Variants in TCF3 observed in about 807,000 individuals in gnomAD.
The protein encoded by TCF3 is transcription factor E2-alpha.
Under a neutral mutation model 72.3 loss-of-function variants are expected in TCF3, and 54 were observed. The ratio of observed to expected loss-of-function variants is 0.75; its 90% confidence interval spans 0.60 to 0.94. The LOEUF is 0.94. Among genes scored for constraint, TCF3 ranks in the 40% least tolerant of loss-of-function variants. The probability of loss-of-function intolerance (pLI) is 0.00; values close to 1 mark genes in which losing one functional copy is unlikely to be tolerated. For synonymous variants in TCF3, 525 were observed against 412.6 expected (o/e 1.27, Z -3.30); for missense variants, 1,078 against 934.4 (o/e 1.15, Z -2.00).
intron 3 of TCF3, among the ~76,000 whole-genome samples, chr19:1,643,324 A>AATCCTCCTGCC (rs1373724705): frequency 6.6e-6 from 1 of 151,838 alleles, no homozygotes. Flanking sequence ...AGGCTCCAGC[A>AATCCTCCTGCC]ATCCTCCTGC....
At position 1,611,251 on chromosome 19, in the gene TCF3, G is replaced by A. The variant is rs1232714859; in HGVS notation, c.*456C>T. ...CTGGTGGCTTTAGAAGAATAAGCCA[G>A]GTTTCCACAGCATCCCCCTTGAGTG... On this transcript the variant is annotated 3_prime_UTR_variant, in exon 19 of 19. Transcript: ENST00000262965. The A allele has an allele frequency of 6.5e-6, 2 of 307,218 alleles. No homozygotes were observed. Among genetic ancestry groups the A allele is most frequent in the Non-Finnish European group, 1.2e-5 (2 of 168,134 alleles). 19.0% of individuals were successfully genotyped at this position (307,218 alleles called of 1,614,324 possible). A position where few individuals can be genotyped will look rare whatever the true frequency, so the allele number is the denominator to read the frequency against.
At chr19:1,623,695 T>C (rs1414953787) in intron 8 of TCF3, among the ~76,000 whole-genome samples, 1 of 152,108 alleles carries the variant, frequency 6.6e-6, no homozygotes, top group African/African-American at 2.4e-5. Context: ...AATTGTGCCC[T>C]TTCTAAAGGG....
intron 13 of TCF3, among the ~76,000 whole-genome samples, chr19:1,620,309 G>C (rs1048486609): frequency 6.6e-6 from 1 of 152,080 alleles, no homozygotes; most frequent in East Asian, 1.9e-4. Context: ...TAAACACCCA[G>C]ACCTTCTGGA....
intron 1 of TCF3, 170 bp from the exon 2 acceptor site, chr19:1,650,457 G>A (rs2066842759): frequency 5.2e-6 from 3 of 577,358 alleles, no homozygotes; most frequent in East Asian, 5.7e-5. Context: ...AGCAGGCGCA[G>A]GGAAGCTGGA....
rs76459051 is a variant in TCF3, at chr19:1,619,371, G to A, written c.1271C>T (p.Ala424Val). Residue 424 changes from alanine (A) to valine (V), a missense_variant, in exon 15 of 19, where the codon GCG (alanine) becomes GTG (valine). Coordinates refer to ENST00000262965, the MANE Select transcript of TCF3 (RefSeq NM_003200.5). Reference protein sequence around the residue: ...DMHTLLPGHGALASGFTGPMS... With the variant: ...DMHTLLPGHGVLASGFTGPMS... ...GGGGCCGGTGAAACCTGAGGCCAGC[G>A]CCCCGTGGCCAGGCAGCAGCGTGTG... The A allele has an allele frequency of 3.6e-4, 574 of 1,589,128 alleles. 4 individuals are homozygous for A. In the African/African-American group the frequency reaches 6.6e-3, roughly 18 times the overall value.
chr19:1,620,993 G>T lies in TCF3; in HGVS notation c.1068C>A (p.Pro356=), dbSNP rs765976155. 6.6e-7 allele frequency: 1 copy of T among 1,513,238 alleles called. No individual in the cohort carries two copies. Among genetic ancestry groups the T allele is most frequent in the Admixed American group, 2.4e-5 (1 of 41,938 alleles). 93.7% of individuals were successfully genotyped at this position (1,513,238 alleles called of 1,614,324 possible). The change falls in exon 13 of 19, where the codon CCC becomes CCA. Residue 356 remains proline, a synonymous_variant. Coordinates refer to ENST00000262965, the MANE Select transcript of TCF3 (RefSeq NM_003200.5). ...SNNFSSSPST[P]VGSPQGLAGT... is the part of the protein sequence containing the mutation. ...CTGCCAGGCCCTGGGGGGAGCCCAC[G>T]GGGGTAGAAGGGCTGGACGAGAAGT...
At chr19:1,627,701 C>T (rs1323554137) in intron 5 of TCF3, among the ~76,000 whole-genome samples, 3 of 152,178 alleles carry the variant, frequency 2.0e-5, no homozygotes, top group Admixed American at 2.0e-4. Context: ...GATTTCGGGG[C>T]CAACTCTGAG....
chr19:1,642,164 AC>A (rs2065361939), intron 3 of TCF3, among the ~76,000 whole-genome samples: 1 of 143,348 alleles, frequency 7.0e-6, no homozygotes. Context: ...ACACACACAC[AC>A]GCACGCGTAC....
intron 2 of TCF3, among the ~76,000 whole-genome samples, chr19:1,648,824 G>C (rs553951056): frequency 1.8e-4 from 27 of 151,948 alleles, no homozygotes; most frequent in Admixed American, 9.8e-4. Context: ...GCATGGGGGG[G>C]GGGGGGGAGC....
In TCF3 at chr19:1,627,407, G is replaced by A. The variant is rs768302987; in HGVS notation, c.318C>T (p.Gly106=). 8 of 1,611,878 alleles carry A rather than the reference G, an allele frequency of 5.0e-6. No individual in the cohort carries two copies. Among genetic ancestry groups the A allele is most frequent in the Admixed American group, 1.7e-5 (1 of 59,934 alleles). ...CGTCTCTCCCGAAGGAGGCATAGGC[G>A]CCCCGCTCACCGCTCTTGCCTGCAA... is the stretch of plus-strand genomic sequence containing the variant. ...PGLGGKSGER[G]AYASFGRDAG... The change falls in exon 6 of 19, where the codon GGC becomes GGT. Residue 106 remains glycine, a synonymous_variant. Transcript: ENST00000262965.
rs1435810254 is a variant in TCF3, at chr19:1,622,156, C to T, written c.720G>A (p.Leu240=). ...GGGGCAGCGGGGATGAGCCCCCACC[C>T]AGCATGGGCCCGAAGCCCGCCTGGC... ...PPGQAGFGPM[L]GGGSSPLPLP... Residue 240 remains leucine, a synonymous_variant, in exon 10 of 19, where the codon CTG becomes CTA. Transcript: ENST00000262965. The T allele has an allele frequency of 1.3e-6, 2 of 1,578,496 alleles. No homozygotes were observed. The highest frequency in any genetic ancestry group is 1.7e-6 in the Non-Finnish European group (2 of 1,164,726).
intron 2 of TCF3, among the ~76,000 whole-genome samples, chr19:1,649,688 G>A (rs552805411): frequency 6.6e-6 from 1 of 152,320 alleles, no homozygotes; most frequent in East Asian, 1.9e-4. Flanking sequence ...CTCCCAAAGT[G>A]CTGGAATGAC....
rs1359708618 is a variant in TCF3, at chr19:1,610,743, C to T, written c.*964G>A. The T allele has an allele frequency of 4.3e-6, 1 of 231,806 alleles. No homozygotes were observed. The highest frequency in any genetic ancestry group is 2.2e-5 in the African/African-American group (1 of 45,180). 14.4% of individuals were successfully genotyped at this position (231,806 alleles called of 1,614,324 possible). On this transcript the variant is annotated 3_prime_UTR_variant, in exon 19 of 19. Transcript: ENST00000262965. The stretch of plus-strand genomic sequence containing the variant: ...CAGAGCCACCTTGCTGACGTCCCTT[C>T]CCCCAAGCCCAGGTCAGTCCCCTTC...
Position 1,627,235 on chromosome 19 carries a change from T to A in TCF3, c.366+124A>T. ...AGCCCACCCTGGCCCAAGCCCAGCC[T>A]GGTTTCGCTATCAGGAAGCAAACAT... On this transcript the variant is annotated intron_variant, in intron 6 of 18. Transcript: ENST00000262965. The A allele has an allele frequency of 5.2e-5, 11 of 211,778 alleles. No individual in the cohort carries two copies. In the East Asian group the frequency reaches 6.0e-4, roughly 11 times the overall value. The allele number at this position is 211,778 out of a possible 1,614,324, so 13.1% of individuals were successfully genotyped here. A position where few individuals can be genotyped will look rare whatever the true frequency, so the allele number is the denominator to read the frequency against.
At chr19:1,627,520 G>T in intron 5 of TCF3, 94 bp from the exon 6 acceptor site, 1 of 1,147,648 alleles carries the variant, frequency 8.7e-7, no homozygotes, top group Non-Finnish European at 1.3e-6. Context: ...TAGGCTCTCA[G>T]TAAGTGCACA....
intron 5 of TCF3, 52 bp from the exon 6 acceptor site, chr19:1,627,478 AG>A (rs1296621286): frequency 6.4e-7 from 1 of 1,560,550 alleles, no homozygotes; most frequent in Non-Finnish European, 8.8e-7. Context: ...GAACATCCTG[AG>A]GGCCCCCGAG....
chr19:1,638,541 TG>T (rs2064790574), intron 3 of TCF3, among the ~76,000 whole-genome samples: 1 of 152,138 alleles, frequency 6.6e-6, no homozygotes, highest in Non-Finnish European at 1.5e-5. Context: ...CCTCGGACAA[TG>T]TTTTTTAAAA....
intron 3 of TCF3, among the ~76,000 whole-genome samples, chr19:1,643,776 C>T (rs555783320): frequency 6.6e-6 from 1 of 152,368 alleles, no homozygotes; most frequent in African/African-American, 2.4e-5. Context: ...AATTAATTTT[C>T]AGGGACACCT....
At position 1,625,630 on chromosome 19, in the gene TCF3, A is replaced by G; in HGVS notation, c.445T>C (p.Tyr149His). 6.4e-7 allele frequency: 1 copy of G among 1,565,984 alleles called. No individual in the cohort carries two copies. The highest frequency in any genetic ancestry group is 1.4e-5 in the African/African-American group (1 of 71,428). ...SPSGMKGTSQ[Y>H]YPSYSGSSRR... ...GAGCTGCCGGAGTAGGAGGGGTAGTACTGGGAGGTCCCCTTCATGCCCGAA... is the reference window on the plus strand; with the variant it reads ...GAGCTGCCGGAGTAGGAGGGGTAGTGCTGGGAGGTCCCCTTCATGCCCGAA... The change falls in exon 7 of 19, where the codon TAC becomes CAC. Residue 149 changes from tyrosine to histidine, a missense_variant. By Grantham distance (83) the Tyr-to-His change is moderately conservative. Coordinates refer to ENST00000262965, the MANE Select transcript of TCF3 (RefSeq NM_003200.5).
Sources: allele counts gnomAD v4.1 joint callset (sites outside exome capture counted in the v4.1 genomes callset), GRCh38; gene constraint gnomAD v4.1.1; transcripts MANE v1.5; gene names NCBI Gene and HGNC (gene_info 2026-07-23, HGNC 2026-07-21).